Variants in NFIL3 observed in about 807,000 individuals in gnomAD.
NFIL3 encodes nuclear factor interleukin-3-regulated protein.
Under a neutral mutation model 10.0 loss-of-function variants are expected in NFIL3, and 5 were observed. The observed-to-expected ratio is 0.50, with a 90% CI of 0.26 to 1.06. NFIL3 has a LOEUF of 1.06. Among genes scored for constraint, NFIL3 ranks in the 50% least tolerant of loss-of-function variants. NFIL3 has a pLI of 0.13. For synonymous variants in NFIL3, 202 were observed against 206.5 expected (o/e 0.98, Z 0.19); for missense variants, 436 against 547.6 (o/e 0.80, Z 2.03).
the NFIL3 span, among the ~76,000 whole-genome samples, chr9:91,466,289 C>T: frequency 6.6e-6 from 1 of 152,200 alleles, no homozygotes; most frequent in Admixed American, 6.5e-5. Flanking sequence ...ACAACACAGA[C>T]CCTTCTGAAT....
At chr9:91,471,795 G>C in the NFIL3 span, among the ~76,000 whole-genome samples, 3 of 152,208 alleles carry the variant, frequency 2.0e-5, no homozygotes, top group Middle Eastern at 3.4e-3. Flanking sequence ...TTTCTTCCTA[G>C]CATCAATGGT....
At chr9:91,431,445 G>A in the NFIL3 span, among the ~76,000 whole-genome samples, 4 of 152,228 alleles carry the variant, frequency 2.6e-5, no homozygotes, top group East Asian at 3.9e-4. Flanking sequence ...TGCACACACC[G>A]TCTTGGGCGC....
the NFIL3 span, among the ~76,000 whole-genome samples, chr9:91,479,909 G>C: frequency 3.3e-5 from 5 of 152,264 alleles, no homozygotes; most frequent in Middle Eastern, 3.4e-3. Flanking sequence ...AGGGGAGGGA[G>C]TTCCCTGACC....
chr9:91,441,690 A>G, the NFIL3 span, among the ~76,000 whole-genome samples: 1 of 152,158 alleles, frequency 6.6e-6, no homozygotes, highest in South Asian at 2.1e-4. Context: ...TGTGGTTACC[A>G]TGAGGCTTGC....
At chr9:91,435,534 GACCGAGTCC>G in the NFIL3 span, among the ~76,000 whole-genome samples, 1 of 152,272 alleles carries the variant, frequency 6.6e-6, no homozygotes, top group African/African-American at 2.4e-5. Flanking sequence ...CATGAAGCCT[GACCGAGTCC>G]ACCTGCCTCT....
chr9:91,442,665 G>A, the NFIL3 span, among the ~76,000 whole-genome samples: 1 of 152,170 alleles, frequency 6.6e-6, no homozygotes, highest in African/African-American at 2.4e-5. Flanking sequence ...CTGGCTCCCT[G>A]CAAGGCTGCA....
the NFIL3 span, among the ~76,000 whole-genome samples, chr9:91,459,158 G>A: frequency 3.4e-4 from 52 of 152,260 alleles, no homozygotes; most frequent in Non-Finnish European, 5.9e-4. Flanking sequence ...GTCAGGGGAT[G>A]GAATTTTCCA....
At chr9:91,412,271 T>C (rs191158853) in intron 1 of NFIL3, among the ~76,000 whole-genome samples, 1 of 152,262 alleles carries the variant, frequency 6.6e-6, no homozygotes, top group Admixed American at 6.5e-5. Context: ...AAGTAAAATA[T>C]AACAACTCAA....
chr9:91,453,781 T>C, the NFIL3 span, among the ~76,000 whole-genome samples: 2 of 152,068 alleles, frequency 1.3e-5, no homozygotes, highest in Non-Finnish European at 1.5e-5. Flanking sequence ...ACATTAAAAA[T>C]AGCCACAAAA....
At chr9:91,433,869 G>T in the NFIL3 span, among the ~76,000 whole-genome samples, 52 of 151,652 alleles carry the variant, frequency 3.4e-4, no homozygotes, top group Non-Finnish European at 6.0e-4. Context: ...AAATATACTT[G>T]GGAAAAGTGT....
chr9:91,458,110 T>TA, the NFIL3 span, among the ~76,000 whole-genome samples: 1 of 152,044 alleles, frequency 6.6e-6, no homozygotes, highest in African/African-American at 2.4e-5. Context: ...AATCTGTAAT[T>TA]AAAAAAATAC....
At chr9:91,473,129 C>G in the NFIL3 span, among the ~76,000 whole-genome samples, 1 of 152,346 alleles carries the variant, frequency 6.6e-6, no homozygotes, top group East Asian at 1.9e-4. Flanking sequence ...TCAGCCCCTA[C>G]TGGCAGGCGT....
the NFIL3 span, among the ~76,000 whole-genome samples, chr9:91,473,672 G>T: frequency 6.6e-6 from 1 of 152,180 alleles, no homozygotes; most frequent in Non-Finnish European, 1.5e-5. Context: ...TCCTGGGTAA[G>T]GCAACGCCCT....
At chr9:91,472,063 C>A in the NFIL3 span, among the ~76,000 whole-genome samples, 1 of 152,144 alleles carries the variant, frequency 6.6e-6, no homozygotes, top group East Asian at 1.9e-4. Context: ...GGGTTTCTGC[C>A]GAGAGATCAG....
At chr9:91,454,063 T>A in the NFIL3 span, among the ~76,000 whole-genome samples, 139 of 150,882 alleles carry the variant, frequency 9.2e-4, no homozygotes, top group Non-Finnish European at 1.8e-3. Flanking sequence ...TGAAACATCA[T>A]CTCTACTAAA....
chr9:91,424,455 G>A (rs2118058812), upstream of NFIL3, among the ~76,000 whole-genome samples: 1 of 152,264 alleles, frequency 6.6e-6, no homozygotes, highest in Admixed American at 6.5e-5. Context: ...CTGGCAAGCT[G>A]CCAACACTCG....
At chr9:91,451,705 G>A in the NFIL3 span, among the ~76,000 whole-genome samples, 3 of 152,196 alleles carry the variant, frequency 2.0e-5, no homozygotes, top group Non-Finnish European at 4.4e-5. Context: ...CATCTAAGAT[G>A]TGTGGGTTCT....
chr9:91,417,485 G>GT (rs564248861), intron 1 of NFIL3, among the ~76,000 whole-genome samples: 2 of 152,094 alleles, frequency 1.3e-5, no homozygotes, highest in Non-Finnish European at 2.9e-5. Flanking sequence ...CTTCCTGTGG[G>GT]TAAAATTCAC....
chr9:91,468,311 G>A, the NFIL3 span, among the ~76,000 whole-genome samples: 11 of 152,134 alleles, frequency 7.2e-5, no homozygotes, highest in East Asian at 9.6e-4. Context: ...TTTTTCATGC[G>A]TCTTTTGGCT....
Sources: allele counts gnomAD v4.1 joint callset (sites outside exome capture counted in the v4.1 genomes callset), GRCh38; gene constraint gnomAD v4.1.1; transcripts MANE v1.5; gene names NCBI Gene and HGNC (gene_info 2026-07-23, HGNC 2026-07-21).